ZNF638: variants seen among roughly 807,000 people sequenced by gnomAD.
ZNF638 encodes CTCL tumor antigen se33-1.
A neutral mutation model predicts 195.6 loss-of-function variants in ZNF638; 46 were observed. The ratio of observed to expected loss-of-function variants is 0.24; its 90% CI spans 0.19 to 0.30. The LOEUF is 0.30. ZNF638 is among the 10% of genes least tolerant of loss of function. The probability of loss-of-function intolerance (pLI) is 1.00; values close to 1 mark genes in which losing one functional copy is unlikely to be tolerated. For synonymous variants in ZNF638, 845 were observed against 772.0 expected, an observed-to-expected ratio of 1.09 and a Z score of -1.57; for missense variants, 2,440 against 2,325.3, an observed-to-expected ratio of 1.05 and a Z score of -1.01.
In ZNF638 at chr2:71,408,190, A is replaced by C. The variant is rs770263453; in HGVS notation, c.3204A>C (p.Gln1068His). 8 of 1,613,486 alleles carry C rather than the reference A, an allele frequency of 5.0e-6. No homozygotes were observed. The highest frequency in any genetic ancestry group is 6.8e-6 in the Non-Finnish European group (8 of 1,179,622). Reference protein sequence around the residue: ...SMYSFLKQNPQNIGDHMLTCS... With the variant: ...SMYSFLKQNPHNIGDHMLTCS... ...ATAGCTTTCTGAAACAAAATCCACA[A>C]AATATTGGTGACCATATGTTGACCT... The change falls in exon 20 of 28, where the codon CAA becomes CAC. Residue 1068 changes from glutamine (Q) to histidine (H), a missense_variant. Coordinates refer to ENST00000264447, the MANE Select transcript of ZNF638 (RefSeq NM_014497.5).
intron 1 of ZNF638, among the ~76,000 whole-genome samples, chr2:71,344,793 T>C (rs888097654): frequency 9.2e-5 from 14 of 152,186 alleles, no homozygotes; most frequent in African/African-American, 2.9e-4. Context: ...ATTATGTAAT[T>C]GCAAAAGGAA....
chr2:71,367,284 G>C (rs1024402837), intron 6 of ZNF638, among the ~76,000 whole-genome samples: 4 of 151,582 alleles, frequency 2.6e-5, no homozygotes, highest in Non-Finnish European at 5.9e-5. Context: ...GAGAAATGGG[G>C]GTCTCGCTTT....
chr2:71,402,418 T>A (rs1373269694), intron 16 of ZNF638, among the ~76,000 whole-genome samples: 1 of 152,102 alleles, frequency 6.6e-6, no homozygotes, highest in Non-Finnish European at 1.5e-5. Context: ...TAGGAAATGT[T>A]TTATATCTTT....
intron 8 of ZNF638, chr2:71,375,021 T>C (rs1341352719): frequency 6.6e-6 from 1 of 152,214 alleles, no homozygotes; most frequent in Admixed American, 6.5e-5. Flanking sequence ...CATTTTGTGG[T>C]GGTTAAATTT....
Position 71,397,463 on chromosome 2 carries a change from C to CTG in ZNF638, c.2429-1237_2429-1236insGT, listed in dbSNP as rs550772477. On this transcript the variant is annotated intron_variant, in intron 11 of 27. Coordinates refer to ENST00000264447, the MANE Select transcript of ZNF638 (RefSeq NM_014497.5). ...TGACTATAAAGGGTGGATTTGTAAACTTTCAGTTGATTTTTTTAGATGTCA... is the reference window on the plus strand; with the variant it reads ...TGACTATAAAGGGTGGATTTGTAAACTGTTTCAGTTGATTTTTTTAGATGTCA... Among the ~76,000 whole-genome samples the CTG allele has an allele frequency of 3.0e-3, 462 of 152,242 alleles. 2 individuals carry two copies. Among genetic ancestry groups the CTG allele is most frequent in the African/African-American group, 0.011 (440 of 41,528 alleles).
Position 71,395,251 on chromosome 2 carries a change from C to T in ZNF638, c.2378-890C>T, listed in dbSNP as rs868789434. 4.7e-5 allele frequency: 34 copies of T among 717,278 alleles called. No individual in the cohort carries two copies. In the Middle Eastern group the frequency reaches 6.4e-3, roughly 135 times the overall value. 44.4% of individuals were successfully genotyped at this position (717,278 alleles called of 1,614,324 possible). A position where few individuals can be genotyped will look rare whatever the true frequency, so the allele number is the denominator to read the frequency against. On this transcript the variant is annotated intron_variant, in intron 10 of 27. Transcript: ENST00000264447. ...TATGTTATTTACTAATTCTAGGATG[C>T]AAAGCCGGAATACGAGCAGTAATCG...
chr2:71,379,169 T>C (rs552899987), intron 8 of ZNF638, among the ~76,000 whole-genome samples: 122 of 152,350 alleles, frequency 8.0e-4, no homozygotes, highest in Non-Finnish European at 9.7e-4. Context: ...GTGATAGCAG[T>C]TGAACTTTAG....
intron 20 of ZNF638, among the ~76,000 whole-genome samples, chr2:71,409,004 T>C (rs2080159820): frequency 6.6e-6 from 1 of 152,138 alleles, no homozygotes; most frequent in Non-Finnish European, 1.5e-5. Flanking sequence ...CAGCAGAACA[T>C]GCATTTTTAA....
intron 10 of ZNF638, chr2:71,388,794 C>G (rs1469197374): frequency 1.2e-6 from 1 of 810,292 alleles, no homozygotes; most frequent in African/African-American, 1.7e-5. Flanking sequence ...CATCATGAGA[C>G]AACAGCTGTC....
chr2:71,343,699 C>T (rs889764589), intron 1 of ZNF638, among the ~76,000 whole-genome samples: 1 of 152,072 alleles, frequency 6.6e-6, no homozygotes, highest in African/African-American at 2.4e-5. Context: ...ATTTCTTAAC[C>T]TTTTTGGGTC....
At chr2:71,370,086 A>G in intron 8 of ZNF638, 81 bp downstream of exon 8, 1 of 1,421,738 alleles carries the variant, frequency 7.0e-7, no homozygotes, top group Non-Finnish European at 9.6e-7. Flanking sequence ...ACACATATAG[A>G]AATAGGCATA....
chr2:71,396,112 G>A (rs1168103908), intron 10 of ZNF638, 29 bp from the exon 11 acceptor site: 8 of 1,600,390 alleles, frequency 5.0e-6, no homozygotes, highest in Admixed American at 3.4e-5. Flanking sequence ...TTGTAATGTA[G>A]TACTTAAATG....
At chr2:71,370,070 T>C in intron 8 of ZNF638, 65 bp downstream of exon 8, 7 of 1,520,278 alleles carry the variant, frequency 4.6e-6, no homozygotes, top group Non-Finnish European at 6.2e-6. Flanking sequence ...TTTGTTTAAG[T>C]ATGGCACACA....
rs2079157435 is a variant in ZNF638 at position 71,364,215 on chromosome 2, C to T, written c.1680C>T (p.Ser560=). 2 of 1,614,150 alleles carry T rather than the reference C, an allele frequency of 1.2e-6. No individual in the cohort carries two copies. Among genetic ancestry groups the T allele is most frequent in the Non-Finnish European group, 1.7e-6 (2 of 1,180,014 alleles). ...RGSPKCFRSV[S]PERMSRRSVR... is the part of the protein sequence containing the mutation. ...GTCCAAAATGCTTTCGATCAGTTAG[C>T]CCTGAGAGGATGTCAAGGAGATCAG... is the stretch of plus-strand genomic sequence containing the variant. Residue 560 remains serine, a synonymous_variant, in exon 5 of 28, where the codon AGC becomes AGT. Coordinates refer to ENST00000264447, the MANE Select transcript of ZNF638 (RefSeq NM_014497.5).
chr2:71,368,244 A>G (rs2079241312), intron 6 of ZNF638, 138 bp from the exon 7 acceptor site: 1 of 729,556 alleles, frequency 1.4e-6, no homozygotes, highest in Admixed American at 3.7e-5. Flanking sequence ...GTGAAGGAAA[A>G]AGAAAAATGG....
chr2:71,390,007 C>T (rs112615590), intron 10 of ZNF638, among the ~76,000 whole-genome samples: 7 of 152,268 alleles, frequency 4.6e-5, no homozygotes, highest in African/African-American at 1.7e-4. Context: ...AGGGAGAAAA[C>T]CCCAAATTGT....
chr2:71,430,843 C>T (rs185706337), intron 25 of ZNF638, among the ~76,000 whole-genome samples: 1 of 152,232 alleles, frequency 6.6e-6, no homozygotes, highest in African/African-American at 2.4e-5. Context: ...ACGTGTTACT[C>T]ACTTTGGTGG....
chr2:71,406,073 AC>A, intron 18 of ZNF638, 54 bp from the exon 19 acceptor site: 1 of 1,599,150 alleles, frequency 6.3e-7, no homozygotes, highest in Non-Finnish European at 8.5e-7. Flanking sequence ...AATCTGTTTT[AC>A]CGTTTGTTGC....
intron 8 of ZNF638, among the ~76,000 whole-genome samples, chr2:71,373,259 T>C (rs1055711142): frequency 1.3e-5 from 2 of 151,868 alleles, no homozygotes; most frequent in Non-Finnish European, 1.5e-5. Flanking sequence ...GCTATATCTA[T>C]TAACTGTTTA....
Sources: gnomAD v4.1 joint callset for allele counts (sites outside exome capture counted in the v4.1 genomes callset) on GRCh38, gnomAD v4.1.1 for gene constraint, MANE v1.5 for transcripts, NCBI Gene and HGNC (gene_info 2026-07-23, HGNC 2026-07-21) for gene names.